Variants in ARL4A observed in about 807,000 individuals in gnomAD.
ARL4A encodes ADP-ribosylation factor-like protein 4A.
ARL4A carries 5 observed loss-of-function variants against 13.9 expected under a neutral mutation model. The ratio of observed to expected loss-of-function variants is 0.36; its 90% CI spans 0.19 to 0.75. The LOEUF (loss-of-function observed/expected upper bound fraction) is 0.75, where lower values mean the gene tolerates loss of function less well. ARL4A is among the 30% of genes least tolerant of loss of function. ARL4A has a pLI of 0.53. For synonymous variants in ARL4A, 77 were observed against 84.4 expected (o/e 0.91, Z 0.48); for missense variants, 147 against 225.8 (o/e 0.65, Z 2.24).
rs1784605106 is a variant in ARL4A, at chr7:12,690,626, T to TTG, written c.*1770_*1771insGT. The TTG allele has an allele frequency of 3.6e-5, 1 of 27,424 alleles. No individual in the cohort carries two copies. Among genetic ancestry groups the TTG allele is most frequent in the African/African-American group, 3.6e-4 (1 of 2,780 alleles). 1.7% of individuals were successfully genotyped at this position (27,424 alleles called of 1,614,324 possible). ...TAGATGTGACAGGCATTGAAGGCTG[T>TTG]TTTTTTTTTTTTCTCCCTTCACTGA... On this transcript the variant is annotated 3_prime_UTR_variant, in exon 2 of 2. Transcript: ENST00000651779.
At position 12,690,737 on chromosome 7, in the gene ARL4A, A is replaced by AT. The variant is rs1319114405; in HGVS notation, c.*1882dup. ...GCTGAAAAAAAAAATCTGTGTATCA[A>AT]TTAGATTTACCAGTTTGCCTGTACT... On this transcript the variant is annotated 3_prime_UTR_variant, in exon 2 of 2. Coordinates refer to ENST00000651779, the MANE Select transcript of ARL4A (RefSeq NM_005738.5). The AT allele has an allele frequency of 9.7e-5, 16 of 165,694 alleles. No individual in the cohort carries two copies. Among genetic ancestry groups the AT allele is most frequent in the Admixed American group, 1.3e-4 (2 of 15,246 alleles). The allele number at this position is 165,694 out of a possible 1,614,324, so 10.3% of individuals were successfully genotyped here.
Position 12,690,393 on chromosome 7 carries a change from A to G in ARL4A, c.*1536A>G, listed in dbSNP as rs1784599918. 6.0e-6 allele frequency: 1 copy of G among 165,904 alleles called. No homozygotes were observed. The allele number at this position is 165,904 out of a possible 1,614,324, so 10.3% of individuals were successfully genotyped here. ...AAGTAGCTTGATGTGGAGCCTTCATATGTTAAATATTCCTGCACTAGTGAT... is the reference window on the plus strand; with the variant it reads ...AAGTAGCTTGATGTGGAGCCTTCATGTGTTAAATATTCCTGCACTAGTGAT... On this transcript the variant is annotated 3_prime_UTR_variant, in exon 2 of 2. Transcript: ENST00000651779.
In ARL4A at chr7:12,690,534, T is replaced by G. The variant is rs1784603347; in HGVS notation, c.*1677T>G. On this transcript the variant is annotated 3_prime_UTR_variant, in exon 2 of 2. Transcript: ENST00000651779. ...ATGTATTTCCACTTTTGCTGAAGCT[T>G]TTAATCAGATGTGTAAAAACAATTG... The G allele has an allele frequency of 1.2e-5, 2 of 166,898 alleles. No individual in the cohort carries two copies. Among genetic ancestry groups the G allele is most frequent in the Admixed American group, 1.3e-4 (2 of 15,276 alleles). 10.3% of individuals were successfully genotyped at this position (166,898 alleles called of 1,614,324 possible). A position where few individuals can be genotyped will look rare whatever the true frequency, so the allele number is the denominator to read the frequency against.
chr7:12,688,507 C>T lies in ARL4A; in HGVS notation c.253C>T (p.Leu85=). 1 of 1,612,018 alleles carries T rather than the reference C, an allele frequency of 6.2e-7. No homozygotes were observed. Among genetic ancestry groups the T allele is most frequent in the Non-Finnish European group, 8.5e-7 (1 of 1,179,808 alleles). Residue 85 remains leucine, a synonymous_variant, in exon 2 of 2, where the codon CTG becomes TTG. Coordinates refer to ENST00000651779, the MANE Select transcript of ARL4A (RefSeq NM_005738.5). This position sits in a 1 kb window ranked among gnomAD's most constrained non-coding sequence, Gnocchi z 5.2. ...AGGTGGTCAGGAGAAATTAAGGCCA[C>T]TGTGGAAGTCATATACCAGATGCAC... is the stretch of plus-strand genomic sequence containing the variant. ...DVGGQEKLRP[L]WKSYTRCTDG... is the part of the protein sequence containing the mutation.
rs751074606 is a variant in ARL4A at position 12,689,229 on chromosome 7, A to T, written c.*372A>T. 1.4e-5 allele frequency: 3 copies of T among 210,460 alleles called. No homozygotes were observed. The highest frequency in any genetic ancestry group is 2.1e-4 in the South Asian group (2 of 9,630). The allele number at this position is 210,460 out of a possible 1,614,324, so 13.0% of individuals were successfully genotyped here. ...TTCGGGGGGAAGCCTTTGCAAGAAA[A>T]TTGCATACAAGGCTTTGTAACGATC... On this transcript the variant is annotated 3_prime_UTR_variant, in exon 2 of 2. Coordinates refer to ENST00000651779, the MANE Select transcript of ARL4A (RefSeq NM_005738.5).
rs1318973514 is a variant in ARL4A, at chr7:12,690,939, A to G, written c.*2082A>G. On this transcript the variant is annotated 3_prime_UTR_variant, in exon 2 of 2. Coordinates refer to ENST00000651779, the MANE Select transcript of ARL4A (RefSeq NM_005738.5). Reference sequence around the variant, plus strand: ...GTACAAACTTTGATTTATAAAAGACAATTTCAGCTATAAAACCCATCCTAA... The same window carrying G: ...GTACAAACTTTGATTTATAAAAGACGATTTCAGCTATAAAACCCATCCTAA... 6.1e-6 allele frequency: 1 copy of G among 164,450 alleles called. No homozygotes were observed. The highest frequency in any genetic ancestry group is 1.5e-5 in the Non-Finnish European group (1 of 68,112). The allele number at this position is 164,450 out of a possible 1,614,324, so 10.2% of individuals were successfully genotyped here. A position where few individuals can be genotyped will look rare whatever the true frequency, so the allele number is the denominator to read the frequency against.
At position 12,688,368 on chromosome 7, in the gene ARL4A, C is replaced by G; in HGVS notation, c.114C>G (p.Tyr38Ter). 6.2e-7 allele frequency: 1 copy of G among 1,613,944 alleles called. No homozygotes were observed. The highest frequency in any genetic ancestry group is 8.5e-7 in the Non-Finnish European group (1 of 1,179,872). Residue 38 changes from tyrosine (Y) to a stop codon, truncating the protein, a stop_gained, in exon 2 of 2, where the codon TAC (tyrosine) becomes TAG (stop). Transcript: ENST00000651779. LOFTEE classifies it high-confidence loss of function. The surrounding 1 kb of genome is among the most constrained non-coding windows in gnomAD (Gnocchi z 5.2). ...LDCAGKTTVL[Y>*]RLQFNEFVNT... ...GTGCTGGAAAGACAACTGTCTTATA[C>G]AGGCTGCAGTTCAATGAATTTGTAA...
Position 12,690,715 on chromosome 7 carries a change from G to GAA in ARL4A, c.*1867_*1868dup. On this transcript the variant is annotated 3_prime_UTR_variant, in exon 2 of 2. Transcript: ENST00000651779. Reference sequence around the variant, plus strand: ...CCATGATGGATTAATAAAGCTTGCTGAAAAAAAAAATCTGTGTATCAATTA... The same window carrying GAA: ...CCATGATGGATTAATAAAGCTTGCTGAAAAAAAAAAAATCTGTGTATCAATTA... The GAA allele has an allele frequency of 6.4e-6, 1 of 156,626 alleles. No homozygotes were observed. The highest frequency in any genetic ancestry group is 6.9e-5 in the Admixed American group (1 of 14,524). The allele number at this position is 156,626 out of a possible 1,614,324, so 9.7% of individuals were successfully genotyped here. A position where few individuals can be genotyped will look rare whatever the true frequency, so the allele number is the denominator to read the frequency against.
chr7:12,690,308 T>G lies in ARL4A; in HGVS notation c.*1451T>G, dbSNP rs73053491. 8,638 of 166,472 alleles carry G rather than the reference T, an allele frequency of 0.052. 342 individuals are homozygous for G. The highest frequency in any genetic ancestry group is 0.19 in the South Asian group (915 of 4,812). The allele number at this position is 166,472 out of a possible 1,614,324, so 10.3% of individuals were successfully genotyped here. On this transcript the variant is annotated 3_prime_UTR_variant, in exon 2 of 2. Coordinates refer to ENST00000651779, the MANE Select transcript of ARL4A (RefSeq NM_005738.5). ...TTGGGTTTTGTTTTTTTGTTTTTTT[T>G]TTTTTTCAGTGGCATAACAGTTTTT...
Position 12,688,168 on chromosome 7 carries a change from G to A in ARL4A, c.-87G>A, listed in dbSNP as rs117537847. On this transcript the variant is annotated splice_region_variant and 5_prime_UTR_variant, in exon 2 of 2. Transcript: ENST00000651779. The surrounding 1 kb of genome is among the most constrained non-coding windows in gnomAD (Gnocchi z 5.2). ...TTATTCCTTCTTCCGTCTCCCAGCA[G>A]TCTTATAGCTGGATCAGCTACCAAG... 1,543 of 1,494,080 alleles carry A rather than the reference G, an allele frequency of 1.0e-3. 23 individuals are homozygous for A. In the East Asian group the frequency reaches 0.031, roughly 30 times the overall value. The allele number at this position is 1,494,080 out of a possible 1,614,324, so 92.6% of individuals were successfully genotyped here. A position where few individuals can be genotyped will look rare whatever the true frequency, so the allele number is the denominator to read the frequency against.
chr7:12,688,344 T>C lies in ARL4A; in HGVS notation c.90T>C (p.Cys30=), dbSNP rs1186342577. The change falls in exon 2 of 2, where the codon TGT becomes TGC. Residue 30 remains cysteine, a synonymous_variant. Coordinates refer to ENST00000651779, the MANE Select transcript of ARL4A (RefSeq NM_005738.5). This position sits in a 1 kb window ranked among gnomAD's most constrained non-coding sequence, Gnocchi z 5.2. The stretch of plus-strand genomic sequence containing the variant: ...ACATTGTTATTCTGGGTTTGGACTG[T>C]GCTGGAAAGACAACTGTCTTATACA... ...SFHIVILGLD[C]AGKTTVLYRL... is the part of the protein sequence containing the mutation. The C allele has an allele frequency of 1.2e-6, 2 of 1,614,000 alleles. No homozygotes were observed. Among genetic ancestry groups the C allele is most frequent in the South Asian group, 2.2e-5 (2 of 91,070 alleles).
chr7:12,689,612 T>C lies in ARL4A; in HGVS notation c.*755T>C, dbSNP rs191570966. On this transcript the variant is annotated 3_prime_UTR_variant, in exon 2 of 2. Transcript: ENST00000651779. ...CAACTTTTTTGGGGATTTAGGGCTA[T>C]TATAGGAATAGTTTGTTGTCAGAAG... 26 of 166,334 alleles carry C rather than the reference T, an allele frequency of 1.6e-4. No individual in the cohort carries two copies. The highest frequency in any genetic ancestry group is 5.8e-4 in the African/African-American group (24 of 41,584). 10.3% of individuals were successfully genotyped at this position (166,334 alleles called of 1,614,324 possible).
chr7:12,688,073 AG>A lies in ARL4A; in HGVS notation c.-89-92del. 1.2e-6 allele frequency: 1 copy of A among 819,158 alleles called. No homozygotes were observed. The highest frequency in any genetic ancestry group is 1.8e-6 in the Non-Finnish European group (1 of 547,452). 50.7% of individuals were successfully genotyped at this position (819,158 alleles called of 1,614,324 possible). A position where few individuals can be genotyped will look rare whatever the true frequency, so the allele number is the denominator to read the frequency against. On this transcript the variant is annotated intron_variant, in intron 1 of 1. Coordinates refer to ENST00000651779, the MANE Select transcript of ARL4A (RefSeq NM_005738.5). This position sits in a 1 kb window ranked among gnomAD's most constrained non-coding sequence, Gnocchi z 5.2. ...TTGTTTAGCGCAGCAAGTTATAGTA[AG>A]TTCTTCGTGTTGTTTATTTTAGCAA...
chr7:12,686,975 G>A (rs1032796154), upstream of ARL4A: 14 of 152,184 alleles, frequency 9.2e-5, no homozygotes, highest in African/African-American at 3.4e-4. Flanking sequence ...CCAGGGAACA[G>A]GTATCAGCGC....
chr7:12,688,930 C>T lies in ARL4A; in HGVS notation c.*73C>T, dbSNP rs1784573579. On this transcript the variant is annotated 3_prime_UTR_variant, in exon 2 of 2. Transcript: ENST00000651779. The surrounding 1 kb of genome is among the most constrained non-coding windows in gnomAD (Gnocchi z 5.2). ...ATTTTGACAAATAGAAGAGTGTCTA[C>T]AGCGTGGTTTGCCTGTCTGCCCTCC... 2.2e-5 allele frequency: 32 copies of T among 1,455,170 alleles called. No homozygotes were observed. The highest frequency in any genetic ancestry group is 2.8e-5 in the Non-Finnish European group (30 of 1,078,326). The allele number at this position is 1,455,170 out of a possible 1,614,324, so 90.1% of individuals were successfully genotyped here.
Position 12,688,313 on chromosome 7 carries a change from C to G in ARL4A, c.59C>G (p.Ser20Cys), listed in dbSNP as rs1344127755. 11 of 1,613,388 alleles carry G rather than the reference C, an allele frequency of 6.8e-6. No individual in the cohort carries two copies. Among genetic ancestry groups the G allele is most frequent in the Non-Finnish European group, 8.5e-6 (10 of 1,179,682 alleles). The change falls in exon 2 of 2, where the codon TCT becomes TGT. Residue 20 changes from serine to cysteine, a missense_variant. Ser to Cys is a moderately radical substitution (Grantham distance 112). Transcript: ENST00000651779. The surrounding 1 kb of genome is among the most constrained non-coding windows in gnomAD (Gnocchi z 5.2). ...CTGTCCAACCTGCCTTCATTTCAGT[C>G]TTTCCACATTGTTATTCTGGGTTTG... is the stretch of plus-strand genomic sequence containing the variant. ...SILSNLPSFQSFHIVILGLDC... is the reference protein window; with the variant it reads ...SILSNLPSFQCFHIVILGLDC...
chr7:12,689,943 C>T lies in ARL4A; in HGVS notation c.*1086C>T, dbSNP rs1359148020. On this transcript the variant is annotated 3_prime_UTR_variant, in exon 2 of 2. Transcript: ENST00000651779. ...TGTAAAAGATAACCTGTATGTGTTC[C>T]GAGCTTTAATTTTTTGTTTACAAAT... The T allele has an allele frequency of 2.4e-5, 4 of 166,932 alleles. No individual in the cohort carries two copies. The highest frequency in any genetic ancestry group is 4.4e-5 in the Non-Finnish European group (3 of 68,106). The allele number at this position is 166,932 out of a possible 1,614,324, so 10.3% of individuals were successfully genotyped here. A position where few individuals can be genotyped will look rare whatever the true frequency, so the allele number is the denominator to read the frequency against.
Position 12,689,100 on chromosome 7 carries a change from A to G in ARL4A, c.*243A>G, listed in dbSNP as rs1444147760. 2.3e-6 allele frequency: 1 copy of G among 425,548 alleles called. No homozygotes were observed. Among genetic ancestry groups the G allele is most frequent in the Non-Finnish European group, 4.4e-6 (1 of 227,668 alleles). The allele number at this position is 425,548 out of a possible 1,614,324, so 26.4% of individuals were successfully genotyped here. On this transcript the variant is annotated 3_prime_UTR_variant, in exon 2 of 2. Coordinates refer to ENST00000651779, the MANE Select transcript of ARL4A (RefSeq NM_005738.5). ...TTGGTACTACCATTTGGGGAAGCCA[A>G]GCAAGGATAGTAAATTGACCAGAAC...
Position 12,688,366 on chromosome 7 carries a change from T to C in ARL4A, c.112T>C (p.Tyr38His). The C allele has an allele frequency of 6.2e-7, 1 of 1,613,986 alleles. No individual in the cohort carries two copies. ...CTGTGCTGGAAAGACAACTGTCTTA[T>C]ACAGGCTGCAGTTCAATGAATTTGT... ...LDCAGKTTVL[Y>H]RLQFNEFVNT... Residue 38 changes from tyrosine (Y) to histidine (H), a missense_variant, in exon 2 of 2, where the codon TAC becomes CAC. Transcript: ENST00000651779. This position sits in a 1 kb window ranked among gnomAD's most constrained non-coding sequence, Gnocchi z 5.2.
Sources: allele counts gnomAD v4.1 joint callset, GRCh38; gene constraint gnomAD v4.1.1; non-coding constraint Gnocchi (gnomAD v3.1); transcripts MANE v1.5; gene names NCBI Gene and HGNC (gene_info 2026-07-23, HGNC 2026-07-21).